The following ZFHX3 variants were observed in gnomAD, a reference collection of about 807,000 sequenced individuals.
ZFHX3 encodes the protein zinc finger homeobox protein 3.
In ZFHX3, 42 loss-of-function variants were observed where a neutral mutation model predicts 279.1. That is an observed-to-expected ratio of 0.15 (90% CI 0.12 to 0.19). The LOEUF is 0.19. Among genes scored for constraint, ZFHX3 ranks in the 10% least tolerant of loss-of-function variants. The probability of loss-of-function intolerance (pLI) is 1.00; values close to 1 mark genes in which losing one functional copy is unlikely to be tolerated. For missense variants in ZFHX3, 4,981 were observed against 4,754.0 expected (o/e 1.05, Z -1.40); for synonymous variants, 2,293 against 1,957.8 (o/e 1.17, Z -4.52).
chr16:73,134,562 T>G (rs889459724), intron 6 of ZFHX3: 3 of 151,852 alleles, frequency 2.0e-5, no homozygotes, highest in African/African-American at 7.3e-5. Context: ...CTTGAACACC[T>G]GGGCTCAAGT....
chr16:73,150,059 G>C (rs945926408), intron 5 of ZFHX3, among the ~76,000 whole-genome samples: 1 of 152,114 alleles, frequency 6.6e-6, no homozygotes, highest in Non-Finnish European at 1.5e-5. Context: ...ATGATTTCTT[G>C]TACCAAGCAG....
chr16:73,533,066 C>T (rs1160972485), intron 2 of ZFHX3, among the ~76,000 whole-genome samples: 3 of 152,166 alleles, frequency 2.0e-5, no homozygotes, highest in Admixed American at 6.5e-5. Context: ...TAATGCACCA[C>T]CTCATGATCA....
chr16:73,458,677 T>G (rs545362957), intron 2 of ZFHX3, among the ~76,000 whole-genome samples: 84 of 152,282 alleles, frequency 5.5e-4, no homozygotes, highest in Non-Finnish European at 9.0e-4. Context: ...GTTGGCTCCC[T>G]CGGTCACCTC....
At chr16:73,168,240 T>TTTCTTTCTTTCC (rs1967433566) in intron 5 of ZFHX3, among the ~76,000 whole-genome samples, 1 of 144,998 alleles carries the variant, frequency 6.9e-6, no homozygotes, top group Non-Finnish European at 1.5e-5. Context: ...TCTTTCTTTC[T>TTTCTTTCTTTCC]TTCTTTCTTT....
intron 8 of ZFHX3, among the ~76,000 whole-genome samples, chr16:73,084,904 C>T (rs933100998): frequency 6.6e-6 from 1 of 152,074 alleles, no homozygotes; most frequent in Admixed American, 6.6e-5. Context: ...TTAAGGAGGA[C>T]ACAAAAAGAT....
intron 5 of ZFHX3, among the ~76,000 whole-genome samples, chr16:73,221,239 G>GTGCC (rs1379194246): frequency 2.0e-5 from 3 of 152,020 alleles, no homozygotes; most frequent in Non-Finnish European, 2.9e-5. Flanking sequence ...AATGGTATGT[G>GTGCC]TGCCCATCGT....
At chr16:72,955,790 A>AAAC (rs1555533656) in intron 2 of ZFHX3, among the ~76,000 whole-genome samples, 1 of 151,544 alleles carries the variant, frequency 6.6e-6, no homozygotes, top group African/African-American at 2.4e-5. Context: ...AAAAAAAAAA[A>AAAC]AAAAACCCTC....
At chr16:73,005,799 AAAG>A (rs1344883491) in intron 1 of ZFHX3, 2 of 152,254 alleles carry the variant, frequency 1.3e-5, no homozygotes, top group African/African-American at 4.8e-5. Flanking sequence ...CAAAAAAAAA[AAAG>A]GTCTTCAGCA....
intron 5 of ZFHX3, among the ~76,000 whole-genome samples, chr16:73,164,714 A>G (rs1049247138): frequency 6.6e-6 from 1 of 152,056 alleles, no homozygotes; most frequent in Non-Finnish European, 1.5e-5. Context: ...AAAAAAAAAA[A>G]AAGACAATTT....
intron 2 of ZFHX3, among the ~76,000 whole-genome samples, chr16:73,645,681 A>G (rs544633726): frequency 2.4e-4 from 36 of 152,372 alleles, no homozygotes; most frequent in African/African-American, 8.7e-4. Flanking sequence ...AGCATTTATT[A>G]ATAATGCTTT....
In ZFHX3 at chr16:72,787,232, G is replaced by A. The variant is rs2035425550; in HGVS notation, c.11044C>T (p.Pro3682Ser). 3.1e-6 allele frequency: 5 copies of A among 1,613,966 alleles called. No homozygotes were observed. The highest frequency in any genetic ancestry group is 4.2e-6 in the Non-Finnish European group (5 of 1,180,000). Reference sequence around the variant, plus strand: ...TCCTTGGGGCAGCTGGGGTCTTTGGGACCCTCCACCGGGCTCGCCGGTCCG... The same window carrying A: ...TCCTTGGGGCAGCTGGGGTCTTTGGAACCCTCCACCGGGCTCGCCGGTCCG... Reference protein sequence around the residue: ...SDGPASPVEGPKDPSCPKDSG... With the variant: ...SDGPASPVEGSKDPSCPKDSG... Residue 3682 changes from proline to serine, a missense_variant, in exon 10 of 10, where the codon CCC becomes TCC. Pro to Ser is a moderately conservative substitution (Grantham distance 74). Transcript: ENST00000268489.
At chr16:73,075,544 G>A (rs1965878184) in intron 8 of ZFHX3, among the ~76,000 whole-genome samples, 1 of 152,170 alleles carries the variant, frequency 6.6e-6, no homozygotes, top group Admixed American at 6.5e-5. Flanking sequence ...AAATGTCAGA[G>A]ACATGATCTT....
intron 4 of ZFHX3, among the ~76,000 whole-genome samples, chr16:73,272,688 A>G (rs1283908848): frequency 6.6e-6 from 1 of 152,218 alleles, no homozygotes; most frequent in Non-Finnish European, 1.5e-5. Flanking sequence ...ATATTTCAAC[A>G]GAAATATCAA....
At chr16:72,951,853 G>A (rs938233545) in intron 2 of ZFHX3, among the ~76,000 whole-genome samples, 4 of 152,128 alleles carry the variant, frequency 2.6e-5, no homozygotes, top group African/African-American at 4.8e-5. Flanking sequence ...CCTGAAATAT[G>A]GGTAGTGCAA....
chr16:73,855,387 T>C (rs1251425268), intron 1 of ZFHX3, among the ~76,000 whole-genome samples: 1 of 152,172 alleles, frequency 6.6e-6, no homozygotes, highest in Non-Finnish European at 1.5e-5. Context: ...TTCAGTGGCC[T>C]TCCTGAATTA....
chr16:72,840,018 T>C (rs948103713), intron 4 of ZFHX3, among the ~76,000 whole-genome samples: 6 of 151,986 alleles, frequency 3.9e-5, no homozygotes, highest in African/African-American at 1.2e-4. Flanking sequence ...ACATGAGTGA[T>C]AGAGAGTAAA....
chr16:73,550,434 C>T (rs1412950675), intron 2 of ZFHX3, among the ~76,000 whole-genome samples: 1 of 152,150 alleles, frequency 6.6e-6, no homozygotes, highest in East Asian at 1.9e-4. Context: ...TGAGGCTGGC[C>T]TTTGGAGAAC....
chr16:72,938,536 T>C lies in ZFHX3; in HGVS notation c.3216+11933A>G, dbSNP rs1300738027. 3.3e-5 allele frequency among the ~76,000 whole-genome samples: 5 copies of C among 152,328 alleles called. No individual in the cohort carries two copies. The East Asian group carries it at 7.7e-4, about 24-fold the overall frequency. The stretch of plus-strand genomic sequence containing the variant: ...GCAGCGGGAAGGGAGAGGGAGTTTC[T>C]GGAGAATTTGGTGGGTCCCTCGGGA... On this transcript the variant is annotated intron_variant, in intron 3 of 9. Coordinates refer to ENST00000268489, the MANE Select transcript of ZFHX3 (RefSeq NM_006885.4).
intron 5 of ZFHX3, among the ~76,000 whole-genome samples, chr16:73,207,239 G>A (rs1011146852): frequency 1.3e-5 from 2 of 152,010 alleles, no homozygotes; most frequent in South Asian, 2.1e-4. Flanking sequence ...AGCACTAGAC[G>A]ACACACGGTT....
Sources: gnomAD v4.1 joint callset for allele counts (sites outside exome capture counted in the v4.1 genomes callset) on GRCh38, gnomAD v4.1.1 for gene constraint, MANE v1.5 for transcripts, NCBI Gene and HGNC (gene_info 2026-07-23, HGNC 2026-07-21) for gene names.